RALGAPA1: variants seen among roughly 807,000 people sequenced by gnomAD.
RALGAPA1 encodes the protein Ral GTPase activating protein catalytic subunit alpha 1.
A neutral mutation model predicts 269.6 loss-of-function variants in RALGAPA1; 52 were observed. The observed-to-expected ratio is 0.19, with a 90% CI of 0.15 to 0.24. The LOEUF is 0.24. Ranked by LOEUF, RALGAPA1 falls within the 10% of genes least tolerant of loss-of-function variation. The pLI is 1.00. For synonymous variants in RALGAPA1, 817 were observed against 1,008.3 expected (o/e 0.81, Z 3.60); for missense variants, 1,917 against 3,013.9 (o/e 0.64, Z 8.52).
rs566164805 is a variant in RALGAPA1 at position 35,739,152 on chromosome 14, C to T, written c.1450-502G>A. On this transcript the variant is annotated intron_variant, in intron 11 of 41. Coordinates refer to ENST00000680220, the MANE Select transcript of RALGAPA1 (RefSeq NM_001346249.2). ...CTACAGCTTTCTGCCTGCATTTTAG[C>T]TGTAACAAGTCTTACAGACAAGGGA... 3.3e-5 allele frequency among the ~76,000 whole-genome samples: 5 copies of T among 152,236 alleles called. No homozygotes were observed. The South Asian group carries it at 1.0e-3, about 32-fold the overall frequency.
chr14:35,551,399 T>A (rs536088575), intron 39 of RALGAPA1, among the ~76,000 whole-genome samples: 65 of 152,248 alleles, frequency 4.3e-4, no homozygotes, highest in Non-Finnish European at 7.9e-4. Context: ...ATCACTCTCT[T>A]TTCGCACCAA....
rs1237909867 is a variant in RALGAPA1 at position 35,721,714 on chromosome 14, C to T, written c.2240G>A (p.Arg747Lys). 6.2e-7 allele frequency: 1 copy of T among 1,613,602 alleles called. No homozygotes were observed. The highest frequency in any genetic ancestry group is 8.5e-7 in the Non-Finnish European group (1 of 1,179,880). The change falls in exon 16 of 42, where the codon AGG (arginine) becomes AAG (lysine). Residue 747 changes from arginine to lysine, a missense_variant. By Grantham distance (26) the Arg-to-Lys change is conservative (BLOSUM62 2). Coordinates refer to ENST00000680220, the MANE Select transcript of RALGAPA1 (RefSeq NM_001346249.2). ...TTGSPGTEKA[R>K]SIVRQKTVAM... Reference sequence around the variant, plus strand: ...GACAGTTTTTTGCCGTACTATACTCCTCGCCTTTTCGGTTCCTGGAGAACC... The same window carrying T: ...GACAGTTTTTTGCCGTACTATACTCTTCGCCTTTTCGGTTCCTGGAGAACC...
At chr14:35,681,874 T>C (rs2065476541) in intron 21 of RALGAPA1, among the ~76,000 whole-genome samples, 1 of 152,228 alleles carries the variant, frequency 6.6e-6, no homozygotes, top group South Asian at 2.1e-4. Context: ...TTTTAGAATG[T>C]TATACACATA....
intron 1 of RALGAPA1, among the ~76,000 whole-genome samples, chr14:35,798,620 G>C (rs116359581): frequency 2.2e-4 from 33 of 152,206 alleles, no homozygotes; most frequent in African/African-American, 7.2e-4. Context: ...ATTTTTTTAA[G>C]AATCCATTAC....
chr14:35,605,686 A>G lies in RALGAPA1; in HGVS notation c.6953T>C (p.Val2318Ala), dbSNP rs755745433. 3.7e-6 allele frequency: 6 copies of G among 1,609,956 alleles called. No individual in the cohort carries two copies. The highest frequency in any genetic ancestry group is 5.1e-6 in the Non-Finnish European group (6 of 1,178,880). Reference sequence around the variant, plus strand: ...TTCTTGTCCTTCAGCAACATAAAATACTGCAATCTTGTGTGTCTCTCGGCT... The same window carrying G: ...TTCTTGTCCTTCAGCAACATAAAATGCTGCAATCTTGTGTGTCTCTCGGCT... ...RQCRETHKIA[V>A]FYVAEGQEDK... The change falls in exon 36 of 42, where the codon GTA becomes GCA. Residue 2318 changes from valine to alanine, a missense_variant. Physicochemically the swap from Val to Ala is moderately conservative, Grantham distance 64. Coordinates refer to ENST00000680220, the MANE Select transcript of RALGAPA1 (RefSeq NM_001346249.2).
chr14:35,794,054 G>A (rs552530836), intron 1 of RALGAPA1, among the ~76,000 whole-genome samples: 1 of 152,216 alleles, frequency 6.6e-6, no homozygotes, highest in African/African-American at 2.4e-5. Context: ...ATGAGGTCAA[G>A]TTCATTTTTC....
intron 16 of RALGAPA1, among the ~76,000 whole-genome samples, chr14:35,704,311 G>T (rs1230267625): frequency 1.3e-5 from 2 of 152,000 alleles, no homozygotes; most frequent in Non-Finnish European, 2.9e-5. Context: ...TCTCTTATTT[G>T]TTAGCATAAG....
chr14:35,618,166 A>T (rs1229126787), intron 35 of RALGAPA1, among the ~76,000 whole-genome samples: 1 of 152,164 alleles, frequency 6.6e-6, no homozygotes, highest in Non-Finnish European at 1.5e-5. Context: ...CAATTCTAAA[A>T]ACATAACAGG....
intron 1 of RALGAPA1, among the ~76,000 whole-genome samples, chr14:35,805,846 G>A (rs1291520627): frequency 6.6e-6 from 1 of 151,786 alleles, no homozygotes; most frequent in Non-Finnish European, 1.5e-5. Flanking sequence ...CACCATGCCT[G>A]GCTAATTTTT....
intron 1 of RALGAPA1, among the ~76,000 whole-genome samples, chr14:35,794,084 T>G (rs1185217438): frequency 1.3e-5 from 2 of 152,166 alleles, no homozygotes; most frequent in Non-Finnish European, 2.9e-5. Context: ...AGATTCAAAT[T>G]AAAGAACATA....
chr14:35,542,557 A>C (rs2138995576), intron 41 of RALGAPA1: 1 of 152,388 alleles, frequency 6.6e-6, no homozygotes, highest in South Asian at 2.1e-4. Flanking sequence ...GTATATATTC[A>C]ACATTCCCAA....
At chr14:35,619,952 A>C (rs1594843440) in intron 35 of RALGAPA1, among the ~76,000 whole-genome samples, 1 of 152,248 alleles carries the variant, frequency 6.6e-6, no homozygotes, top group Non-Finnish European at 1.5e-5. Flanking sequence ...TACAAAGAAG[A>C]GCTGGTACCA....
Position 35,770,757 on chromosome 14 carries a change from A to AT in RALGAPA1, c.325+184dup, listed in dbSNP as rs2074549650. Among the ~76,000 whole-genome samples the AT allele has an allele frequency of 4.6e-5, 7 of 152,284 alleles. No individual in the cohort carries two copies. The South Asian group carries it at 1.4e-3, about 32-fold the overall frequency. ...AGTGGATCCAAAAATTTCCTATGGC[A>AT]TTTTGACTGCAAATCCTTCATCTAT... On this transcript the variant is annotated intron_variant, in intron 4 of 41. Coordinates refer to ENST00000680220, the MANE Select transcript of RALGAPA1 (RefSeq NM_001346249.2).
At position 35,725,013 on chromosome 14, in the gene RALGAPA1, A is replaced by G; in HGVS notation, c.1866+11T>C. On this transcript the variant is annotated intron_variant, in intron 14 of 41. Coordinates refer to ENST00000680220, the MANE Select transcript of RALGAPA1 (RefSeq NM_001346249.2). ...TATCCAGCTATTCATCTATTTATTT[A>G]TTTTTATTGCCTGGAAAAGTGGTCC... 6.3e-7 allele frequency: 1 copy of G among 1,582,704 alleles called. No homozygotes were observed. The highest frequency in any genetic ancestry group is 8.6e-7 in the Non-Finnish European group (1 of 1,166,930).
chr14:35,635,356 G>C, intron 32 of RALGAPA1, 108 bp downstream of exon 32: 1 of 1,264,834 alleles, frequency 7.9e-7, no homozygotes, highest in Non-Finnish European at 1.0e-6. Context: ...TGTGTTCTTA[G>C]AAATTTTCTA....
rs1233873441 is a variant in RALGAPA1, at chr14:35,689,309, A to T, written c.3102T>A (p.Ser1034=). 3 of 1,232,048 alleles carry T rather than the reference A, an allele frequency of 2.4e-6. No homozygotes were observed. Among genetic ancestry groups the T allele is most frequent in the Non-Finnish European group, 3.0e-6 (3 of 988,070 alleles). The allele number at this position is 1,232,048 out of a possible 1,614,324, so 76.3% of individuals were successfully genotyped here. The part of the protein sequence containing the change: ...QSDSFFRTQT[S]EKSKQLNTDK... ...CAGTGTTTAGTTGCTTAGATTTTTC[A>T]GAAGTTTGTGTTCTAAAAAAACTGT... Residue 1034 remains serine, a synonymous_variant, in exon 18 of 42, where the codon TCT becomes TCA. Coordinates refer to ENST00000680220, the MANE Select transcript of RALGAPA1 (RefSeq NM_001346249.2).
chr14:35,692,921 T>C (rs981076118), intron 17 of RALGAPA1, among the ~76,000 whole-genome samples: 1 of 151,990 alleles, frequency 6.6e-6, no homozygotes, highest in Non-Finnish European at 1.5e-5. Context: ...ATGCCAGGTA[T>C]TGTTGTAAGC....
chr14:35,573,712 C>A (rs980700405), intron 37 of RALGAPA1, among the ~76,000 whole-genome samples: 2 of 152,108 alleles, frequency 1.3e-5, no homozygotes, highest in African/African-American at 4.8e-5. Context: ...CTCCTTAATC[C>A]TGGAGTAACT....
chr14:35,716,013 G>A, intron 16 of RALGAPA1: 4 of 985,180 alleles, frequency 4.1e-6, no homozygotes, highest in Non-Finnish European at 4.8e-6. Context: ...AGTTCACTAT[G>A]TTGCTGGCAA....
Sources: allele counts gnomAD v4.1 joint callset (sites outside exome capture counted in the v4.1 genomes callset), GRCh38; gene constraint gnomAD v4.1.1; transcripts MANE v1.5; gene names NCBI Gene and HGNC (gene_info 2026-07-23, HGNC 2026-07-21).